The following SGCZ variants were observed in gnomAD, a reference collection of about 807,000 sequenced individuals.
The protein encoded by SGCZ is sarcoglycan zeta.
SGCZ carries 40 observed loss-of-function variants against 41.3 expected under a neutral mutation model. The observed-to-expected ratio is 0.97, with a 90% CI of 0.75 to 1.26. SGCZ has a LOEUF of 1.26. Among genes scored for constraint, SGCZ ranks in the 50% most tolerant of loss-of-function variants. SGCZ has a pLI of 0.00. For missense variants in SGCZ, 552 were observed against 369.8 expected, an observed-to-expected ratio of 1.49 and a Z score of -4.04; for synonymous variants, 206 against 137.5, an observed-to-expected ratio of 1.50 and a Z score of -3.49.
At chr8:14,719,904 G>A (rs1809823893) in intron 1 of SGCZ, among the ~76,000 whole-genome samples, 1 of 151,958 alleles carries the variant, frequency 6.6e-6, no homozygotes, top group Non-Finnish European at 1.5e-5. Flanking sequence ...ATTGCTTTTG[G>A]TGTTTTAGAC....
chr8:15,184,548 T>C (rs1409346634), intron 1 of SGCZ, among the ~76,000 whole-genome samples: 1 of 151,548 alleles, frequency 6.6e-6, no homozygotes, highest in African/African-American at 2.4e-5. Flanking sequence ...CTCGGGAGAC[T>C]GGTCCCGAAG....
intron 4 of SGCZ, among the ~76,000 whole-genome samples, chr8:14,221,401 T>C (rs1027385354): frequency 6.6e-6 from 1 of 152,204 alleles, no homozygotes; most frequent in African/African-American, 2.4e-5. Flanking sequence ...GCAATTGTTG[T>C]TTTTGCTGTG....
intron 1 of SGCZ, among the ~76,000 whole-genome samples, chr8:14,846,378 TA>T (rs939333900): frequency 2.6e-5 from 4 of 151,250 alleles, no homozygotes; most frequent in African/African-American, 7.3e-5. Flanking sequence ...TATATACAAT[TA>T]AAAAAAATCA....
intron 3 of SGCZ, among the ~76,000 whole-genome samples, chr8:14,242,755 A>T (rs1181219066): frequency 6.6e-6 from 1 of 152,180 alleles, no homozygotes; most frequent in African/African-American, 2.4e-5. Context: ...AAAAAAGGTA[A>T]CAAGCCATGT....
chr8:14,469,911 G>C (rs1258471946), intron 2 of SGCZ, among the ~76,000 whole-genome samples: 1 of 152,088 alleles, frequency 6.6e-6, no homozygotes, highest in Non-Finnish European at 1.5e-5. Context: ...TAATTCTTTT[G>C]TAATATCCTT....
At chr8:14,268,025 T>C (rs1019460021) in intron 3 of SGCZ, among the ~76,000 whole-genome samples, 9 of 151,432 alleles carry the variant, frequency 5.9e-5, no homozygotes, top group African/African-American at 1.4e-4. Context: ...TAAAATAAAG[T>C]TATAGCCTAA....
At chr8:14,399,968 C>G (rs1799026536) in intron 2 of SGCZ, among the ~76,000 whole-genome samples, 1 of 152,128 alleles carries the variant, frequency 6.6e-6, no homozygotes, top group South Asian at 2.1e-4. Context: ...TCACAGAAAG[C>G]CTGTGCTCAT....
rs143520989 is a variant in SGCZ at position 14,106,228 on chromosome 8, G to T, written c.620+1935C>A. ...GATAAACAAGGCAGATGTGTATCCTGTTCTAATGGAATTTACAGTTTGTTA... is the reference window on the plus strand; with the variant it reads ...GATAAACAAGGCAGATGTGTATCCTTTTCTAATGGAATTTACAGTTTGTTA... On this transcript the variant is annotated intron_variant, in intron 6 of 7. Transcript: ENST00000382080. Among the ~76,000 whole-genome samples, 976 of 152,248 alleles carry T rather than the reference G, an allele frequency of 6.4e-3. 7 individuals carry two copies. The highest frequency in any genetic ancestry group is 0.022 in the African/African-American group (923 of 41,524).
At chr8:14,757,465 C>G (rs1018376796) in intron 1 of SGCZ, among the ~76,000 whole-genome samples, 1 of 152,178 alleles carries the variant, frequency 6.6e-6, no homozygotes, top group Non-Finnish European at 1.5e-5. Flanking sequence ...ACTACCGATG[C>G]CTCTTTGTCC....
intron 2 of SGCZ, among the ~76,000 whole-genome samples, chr8:14,534,243 CAGAGA>C (rs543339560): frequency 3.6e-4 from 54 of 151,940 alleles, no homozygotes; most frequent in African/African-American, 1.2e-3. Context: ...CTGGCTGGCA[CAGAGA>C]AGAGGGAAGC....
Position 14,930,887 on chromosome 8 carries a change from G to T in SGCZ, c.39+306698C>A, listed in dbSNP as rs1040329044. Among the ~76,000 whole-genome samples, 3 of 152,030 alleles carry T rather than the reference G, an allele frequency of 2.0e-5. No individual in the cohort carries two copies. The South Asian group carries it at 6.2e-4, about 32-fold the overall frequency. ...GGAGAAATACCTAATGTAGGGGAGA[G>T]ATAACATTAGGAGAAATACCTACTT... On this transcript the variant is annotated intron_variant, in intron 1 of 7. Coordinates refer to ENST00000382080, the MANE Select transcript of SGCZ (RefSeq NM_139167.4).
At chr8:14,174,985 T>C (rs1804499385) in intron 4 of SGCZ, among the ~76,000 whole-genome samples, 1 of 152,166 alleles carries the variant, frequency 6.6e-6, no homozygotes, top group Admixed American at 6.5e-5. Context: ...GTCCACCCTA[T>C]TAATCTCATT....
intron 1 of SGCZ, among the ~76,000 whole-genome samples, chr8:14,688,046 G>C (rs1808675098): frequency 6.6e-6 from 1 of 152,050 alleles, no homozygotes; most frequent in Non-Finnish European, 1.5e-5. Flanking sequence ...GGGGTTGTTT[G>C]TTTTTTCTTG....
intron 1 of SGCZ, among the ~76,000 whole-genome samples, chr8:14,921,649 G>T (rs549142049): frequency 1.3e-5 from 2 of 152,146 alleles, no homozygotes; most frequent in Admixed American, 1.3e-4. Flanking sequence ...GCCAGAATTT[G>T]CTTGTAATGG....
At chr8:14,666,079 T>G (rs1310594941) in intron 1 of SGCZ, among the ~76,000 whole-genome samples, 1 of 152,178 alleles carries the variant, frequency 6.6e-6, no homozygotes. Context: ...CATTTGCCCT[T>G]CTCAGATTTT....
At chr8:14,312,822 T>C (rs935251455) in intron 3 of SGCZ, among the ~76,000 whole-genome samples, 4 of 152,170 alleles carry the variant, frequency 2.6e-5, no homozygotes, top group East Asian at 3.9e-4. Flanking sequence ...AAAAAAATTA[T>C]AGAGTCAAAA....
chr8:14,726,316 ATATATATC>A lies in SGCZ; in HGVS notation c.40-171398_40-171391del, dbSNP rs1191516517. ...TGTGTGTATATGTGTAAATACATATATATATATCTATATATATATATATATAAAATTAG... is the reference window on the plus strand; with the variant it reads ...TGTGTGTATATGTGTAAATACATATATATATATATATATATATAAAATTAG... On this transcript the variant is annotated intron_variant, in intron 1 of 7. Coordinates refer to ENST00000382080, the MANE Select transcript of SGCZ (RefSeq NM_139167.4). 5.3e-3 allele frequency among the ~76,000 whole-genome samples: 710 copies of A among 133,688 alleles called. 10 individuals carry two copies. Among genetic ancestry groups the A allele is most frequent in the East Asian group, 0.019 (96 of 5,000 alleles). The allele number at this position is 133,688 out of a possible 152,430, so 87.7% of individuals were successfully genotyped here.
chr8:14,980,373 T>C (rs148841266), intron 1 of SGCZ, among the ~76,000 whole-genome samples: 1 of 152,318 alleles, frequency 6.6e-6, no homozygotes, highest in African/African-American at 2.4e-5. Flanking sequence ...ACATCAGAAA[T>C]AATCTCCCAC....
intron 6 of SGCZ, among the ~76,000 whole-genome samples, chr8:14,104,959 G>A (rs989826239): frequency 2.0e-5 from 3 of 151,926 alleles, no homozygotes; most frequent in Non-Finnish European, 4.4e-5. Flanking sequence ...AAATCTTTAG[G>A]AAATGAGCAC....
Sources: allele counts gnomAD v4.1 joint callset (sites outside exome capture counted in the v4.1 genomes callset), GRCh38; gene constraint gnomAD v4.1.1; transcripts MANE v1.5; gene names NCBI Gene and HGNC (gene_info 2026-07-23, HGNC 2026-07-21).